The following CALB2 variants were observed in gnomAD, a reference collection of about 807,000 sequenced individuals.
CALB2 encodes the protein calretinin.
Under a neutral mutation model 45.9 loss-of-function variants are expected in CALB2, and 34 were observed. That is an observed-to-expected ratio of 0.74 (90% CI 0.56 to 0.99). CALB2 has a LOEUF of 0.99. Ranked by LOEUF, CALB2 falls within the 50% of genes least tolerant of loss-of-function variation. CALB2 has a pLI of 0.00. For missense variants in CALB2, 344 were observed against 339.3 expected (o/e 1.01, Z -0.11); for synonymous variants, 142 against 129.6 (o/e 1.10, Z -0.65).
At chr16:71,372,279 T>A in intron 2 of CALB2, 50 bp downstream of exon 2, 1 of 1,343,940 alleles carries the variant, frequency 7.4e-7, no homozygotes. Context: ...GACCTATGCC[T>A]TTGAGCATGC....
chr16:71,359,464 T>A (rs565165898), intron 1 of CALB2, among the ~76,000 whole-genome samples: 2 of 152,274 alleles, frequency 1.3e-5, no homozygotes, highest in South Asian at 2.1e-4. Context: ...GGTTTCCCAA[T>A]ACAGCAGCAG....
chr16:71,370,319 T>C (rs2042333950), intron 1 of CALB2, among the ~76,000 whole-genome samples: 2 of 152,178 alleles, frequency 1.3e-5, no homozygotes. Context: ...CTCTGTTGCG[T>C]TTGTAATTCC....
At chr16:71,384,127 G>A (rs1240164320) in intron 7 of CALB2, 102 bp downstream of exon 7, 3 of 1,308,786 alleles carry the variant, frequency 2.3e-6, no homozygotes, top group African/African-American at 1.4e-5. Context: ...AGGTGCGGGT[G>A]TCAAGAAGCT....
rs771929275 is a variant in CALB2 at position 71,385,502 on chromosome 16, G to C, written c.628-75G>C. ...GAGTAATGGAGAGGCTAGACTCTTA[G>C]ACATCCCTGGAATGGGTCGGGACAG... On this transcript the variant is annotated intron_variant, in intron 9 of 10. Coordinates refer to ENST00000302628, the MANE Select transcript of CALB2 (RefSeq NM_001740.5). 6.1e-5 allele frequency: 80 copies of C among 1,311,078 alleles called. 1 individual carries two copies. The highest frequency in any genetic ancestry group is 8.4e-5 in the Non-Finnish European group (77 of 912,194). 81.2% of individuals were successfully genotyped at this position (1,311,078 alleles called of 1,614,324 possible).
chr16:71,359,887 T>C (rs1187756080), intron 1 of CALB2, among the ~76,000 whole-genome samples: 2 of 152,230 alleles, frequency 1.3e-5, no homozygotes, highest in Non-Finnish European at 2.9e-5. Flanking sequence ...TGTCTGTAGC[T>C]ACCCTCCCCT....
At chr16:71,362,752 A>G (rs2042247438) in intron 1 of CALB2, among the ~76,000 whole-genome samples, 1 of 141,892 alleles carries the variant, frequency 7.0e-6, no homozygotes, top group Non-Finnish European at 1.6e-5. Context: ...ACAACTGAAT[A>G]ATAGCGGCTC....
intron 1 of CALB2, among the ~76,000 whole-genome samples, chr16:71,362,830 A>G (rs2042247989): frequency 6.6e-6 from 1 of 152,242 alleles, no homozygotes; most frequent in Non-Finnish European, 1.5e-5. Flanking sequence ...TTTCCATAGC[A>G]CTTGAAAATT....
In CALB2 at chr16:71,383,230, G is replaced by A. The variant is rs144564854; in HGVS notation, c.400-137G>A. ...TCCCCAAGAGTTAGGAATTATGAGG[G>A]CCCTGAGTCATAGAACTGGTAGACC... On this transcript the variant is annotated intron_variant, in intron 5 of 10. Coordinates refer to ENST00000302628, the MANE Select transcript of CALB2 (RefSeq NM_001740.5). 203 of 803,214 alleles carry A rather than the reference G, an allele frequency of 2.5e-4. 1 individual carries two copies. The African/African-American group carries it at 2.6e-3, about 10-fold the overall frequency. The allele number at this position is 803,214 out of a possible 1,614,324, so 49.8% of individuals were successfully genotyped here.
rs1213944435 is a variant in CALB2, at chr16:71,361,512, A to T, written c.94+2626A>T. ...TCTAAGAGTACCCCCTACCACTCAC[A>T]ATCTTAAAAACACCTGAGAGAACTC... On this transcript the variant is annotated intron_variant, in intron 1 of 10. Coordinates refer to ENST00000302628, the MANE Select transcript of CALB2 (RefSeq NM_001740.5). Among the ~76,000 whole-genome samples the T allele has an allele frequency of 2.6e-5, 4 of 152,104 alleles. No individual in the cohort carries two copies. The East Asian group carries it at 7.7e-4, about 29-fold the overall frequency.
At chr16:71,386,768 G>A (rs968590779) in intron 10 of CALB2, among the ~76,000 whole-genome samples, 1 of 152,196 alleles carries the variant, frequency 6.6e-6, no homozygotes. Flanking sequence ...TAAATTTAAT[G>A]CTCAATTTCA....
intron 10 of CALB2, chr16:71,389,380 T>C: frequency 2.3e-6 from 1 of 444,284 alleles, no homozygotes; most frequent in South Asian, 1.6e-5. Flanking sequence ...ACATAGATCA[T>C]GACTGTCACA....
At chr16:71,361,010 C>T (rs180928340) in intron 1 of CALB2, among the ~76,000 whole-genome samples, 4 of 152,280 alleles carry the variant, frequency 2.6e-5, no homozygotes, top group East Asian at 1.9e-4. Context: ...TGGGCAGTTT[C>T]GTGTATCCCA....
rs915001956 is a variant in CALB2, at chr16:71,360,031, T to C, written c.94+1145T>C. Among the ~76,000 whole-genome samples the C allele has an allele frequency of 4.6e-5, 7 of 152,334 alleles. No individual in the cohort carries two copies. The South Asian group carries it at 1.2e-3, about 27-fold the overall frequency. On this transcript the variant is annotated intron_variant, in intron 1 of 10. Transcript: ENST00000302628. The stretch of plus-strand genomic sequence containing the variant: ...GCCCCCCAGGGGGCCAGGCTCAGCC[T>C]TGTGGGCTCTGACACCTGTCATTCA...
chr16:71,361,917 C>T (rs577408737), intron 1 of CALB2, among the ~76,000 whole-genome samples: 11 of 152,290 alleles, frequency 7.2e-5, no homozygotes, highest in African/African-American at 2.6e-4. Flanking sequence ...GGAATCTGGT[C>T]TCCTAGTCCG....
chr16:71,362,724 C>T (rs2144948934), intron 1 of CALB2, among the ~76,000 whole-genome samples: 1 of 152,096 alleles, frequency 6.6e-6, no homozygotes. Context: ...ATGTATGTTG[C>T]AGGATATTTA....
intron 2 of CALB2, 95 bp from the exon 3 acceptor site, chr16:71,374,650 A>G: frequency 1.2e-6 from 1 of 827,068 alleles, no homozygotes; most frequent in African/African-American, 1.7e-5. Flanking sequence ...GCACCCACTT[A>G]CCCAGGATGC....
intron 5 of CALB2, 91 bp downstream of exon 5, chr16:71,382,866 G>A: frequency 1.7e-6 from 2 of 1,161,394 alleles, no homozygotes; most frequent in South Asian, 1.5e-5. Flanking sequence ...AGGGGCATGA[G>A]TTTGCGGGCT....
chr16:71,376,655 A>G (rs1410832383), intron 3 of CALB2, among the ~76,000 whole-genome samples: 5 of 151,938 alleles, frequency 3.3e-5, no homozygotes, highest in African/African-American at 1.2e-4. Context: ...GTGCCCACAT[A>G]CAGCCATATA....
chr16:71,363,440 G>A lies in CALB2; in HGVS notation c.94+4554G>A, dbSNP rs148569432. Among the ~76,000 whole-genome samples the A allele has an allele frequency of 2.6e-5, 4 of 152,314 alleles. No homozygotes were observed. The East Asian group carries it at 7.7e-4, about 29-fold the overall frequency. On this transcript the variant is annotated intron_variant, in intron 1 of 10. Transcript: ENST00000302628. ...ATAACAACAGAGGCCACAAAGGGCT[G>A]AGGATGGCTCTACGCAGGCTCCCAT...
Sources: allele counts gnomAD v4.1 joint callset (sites outside exome capture counted in the v4.1 genomes callset), GRCh38; gene constraint gnomAD v4.1.1; transcripts MANE v1.5; gene names NCBI Gene and HGNC (gene_info 2026-07-23, HGNC 2026-07-21).